ANO4: variants seen among roughly 807,000 people sequenced by gnomAD.
The protein encoded by ANO4 is anoctamin-4.
Under a neutral mutation model 141.9 loss-of-function variants are expected in ANO4, and 69 were observed. The observed-to-expected ratio is 0.49, with a 90% CI of 0.40 to 0.59. The LOEUF (loss-of-function observed/expected upper bound fraction) is 0.59. ANO4 is among the 20% of genes least tolerant of loss of function. ANO4 has a pLI of 0.00. For synonymous variants in ANO4, 350 were observed against 394.3 expected (o/e 0.89, Z 1.33); for missense variants, 894 against 1,162.2 (o/e 0.77, Z 3.36).
intron 3 of ANO4, among the ~76,000 whole-genome samples, chr12:100,766,364 A>G (rs542591205): frequency 6.6e-5 from 10 of 152,058 alleles, no homozygotes; most frequent in Admixed American, 3.3e-4. Flanking sequence ...CTTCTTTCTT[A>G]ATGTAGGCAT....
At chr12:100,748,925 G>C (rs1253972482) in intron 3 of ANO4, among the ~76,000 whole-genome samples, 1 of 152,090 alleles carries the variant, frequency 6.6e-6, no homozygotes, top group Non-Finnish European at 1.5e-5. Context: ...TTCCGGTTTG[G>C]TTTATATGGA....
At chr12:100,788,071 A>G (rs989706916) in intron 3 of ANO4, among the ~76,000 whole-genome samples, 2 of 152,188 alleles carry the variant, frequency 1.3e-5, no homozygotes, top group African/African-American at 4.8e-5. Context: ...ATGGTTATTT[A>G]TTTATTAGGC....
At chr12:100,836,485 T>TC (rs1457662932) in intron 1 of ANO4, among the ~76,000 whole-genome samples, 1 of 111,628 alleles carries the variant, frequency 9.0e-6, no homozygotes, top group African/African-American at 3.4e-5. Flanking sequence ...ATGCTATCCC[T>TC]CCCCCCTCCC....
intron 5 of ANO4, among the ~76,000 whole-genome samples, chr12:100,948,866 G>A (rs747277398): frequency 7.9e-5 from 12 of 152,102 alleles, no homozygotes; most frequent in African/African-American, 2.7e-4. Context: ...CAAATTTAAT[G>A]GGATGTCACT....
intron 3 of ANO4, among the ~76,000 whole-genome samples, chr12:100,930,532 C>T (rs1592749710): frequency 6.6e-6 from 1 of 152,076 alleles, no homozygotes; most frequent in East Asian, 1.9e-4. Context: ...TTCTGTTCCA[C>T]TAATCTATGT....
intron 1 of ANO4, among the ~76,000 whole-genome samples, chr12:100,882,680 T>G (rs1219164994): frequency 6.6e-6 from 1 of 151,658 alleles, no homozygotes; most frequent in Non-Finnish European, 1.5e-5. Context: ...ACTCTGTTTT[T>G]TTTGTTTGTT....
chr12:100,726,716 T>G (rs1438634946), intron 1 of ANO4, among the ~76,000 whole-genome samples: 1 of 152,200 alleles, frequency 6.6e-6, no homozygotes, highest in Admixed American at 6.5e-5. Context: ...ATATAGTGAA[T>G]GCTACCATGA....
intron 5 of ANO4, among the ~76,000 whole-genome samples, chr12:100,958,731 C>T (rs1441535641): frequency 5.3e-5 from 8 of 152,100 alleles, no homozygotes; most frequent in Non-Finnish European, 1.0e-4. Flanking sequence ...GCCTGTAGTC[C>T]GAGCTACTTG....
intron 5 of ANO4, among the ~76,000 whole-genome samples, chr12:100,957,392 A>T (rs1463873346): frequency 6.6e-6 from 1 of 152,188 alleles, no homozygotes; most frequent in Non-Finnish European, 1.5e-5. Flanking sequence ...CAGCACCCTC[A>T]TGATCCAAAC....
At chr12:100,760,962 T>G (rs922885408) in intron 3 of ANO4, among the ~76,000 whole-genome samples, 6 of 152,156 alleles carry the variant, frequency 3.9e-5, no homozygotes, top group Admixed American at 1.3e-4. Flanking sequence ...CTCTCCTGCT[T>G]CTCATCCTAT....
At chr12:101,104,660 TATATATATATAAATAA>T (rs1593280810) in intron 22 of ANO4, among the ~76,000 whole-genome samples, 2 of 62,384 alleles carry the variant, frequency 3.2e-5, no homozygotes, top group African/African-American at 2.1e-4. Flanking sequence ...TATATATATA[TATATATATATAAATAA>T]AAAGATTTAC....
intron 14 of ANO4, among the ~76,000 whole-genome samples, chr12:101,060,285 G>A (rs1292251177): frequency 6.6e-6 from 1 of 152,198 alleles, no homozygotes; most frequent in Admixed American, 6.5e-5. Context: ...TTGCTGAGGA[G>A]TGTTTTACTT....
At chr12:101,068,110 T>G (rs11609259) in intron 14 of ANO4, among the ~76,000 whole-genome samples, 34,237 of 152,096 alleles carry the variant, frequency 0.23, 4,650 homozygotes, top group Non-Finnish European at 0.31. Flanking sequence ...GGAAGATACC[T>G]CCTTTTAAAT....
chr12:100,754,809 C>G (rs1349434223), intron 3 of ANO4, among the ~76,000 whole-genome samples: 2 of 152,000 alleles, frequency 1.3e-5, no homozygotes, highest in Non-Finnish European at 2.9e-5. Context: ...GTGAAATAAG[C>G]CAGGCACAAA....
At chr12:101,021,836 A>G (rs979228759) in intron 9 of ANO4, among the ~76,000 whole-genome samples, 1 of 152,172 alleles carries the variant, frequency 6.6e-6, no homozygotes, top group South Asian at 2.1e-4. Flanking sequence ...GTTCGAATAG[A>G]AAAGGAAGTA....
chr12:100,909,210 T>C (rs1404185260), intron 2 of ANO4, among the ~76,000 whole-genome samples: 1 of 152,264 alleles, frequency 6.6e-6, no homozygotes, highest in Non-Finnish European at 1.5e-5. Context: ...TCTATTTGAC[T>C]ATCTGGAATG....
chr12:100,779,673 T>G (rs1419190958), intron 3 of ANO4, among the ~76,000 whole-genome samples: 1 of 152,228 alleles, frequency 6.6e-6, no homozygotes, highest in Non-Finnish European at 1.5e-5. Context: ...TAGGTTGGTA[T>G]GCCAGACTCC....
intron 14 of ANO4, among the ~76,000 whole-genome samples, chr12:101,051,520 T>G (rs1239666636): frequency 6.6e-6 from 1 of 152,220 alleles, no homozygotes; most frequent in African/African-American, 2.4e-5. Flanking sequence ...AGTGTTTCTT[T>G]GTAGATAGAG....
At chr12:100,953,402 A>G (rs1333319723) in intron 5 of ANO4, among the ~76,000 whole-genome samples, 1 of 152,232 alleles carries the variant, frequency 6.6e-6, no homozygotes, top group African/African-American at 2.4e-5. Context: ...GCTGAGTATT[A>G]TTAATTGAAC....
Sources: allele counts gnomAD v4.1 joint callset (sites outside exome capture counted in the v4.1 genomes callset), GRCh38; gene constraint gnomAD v4.1.1; transcripts MANE v1.5; gene names NCBI Gene and HGNC (gene_info 2026-07-23, HGNC 2026-07-21).